The following MACC1 variants were observed in gnomAD, a reference collection of about 807,000 sequenced individuals.
MACC1 encodes the protein MET transcriptional regulator MACC1, also known as metastasis-associated in colon cancer protein 1.
A neutral mutation model predicts 70.7 loss-of-function variants in MACC1; 79 were observed. The ratio of observed to expected loss-of-function variants is 1.12; its 90% CI spans 0.93 to 1.35. MACC1 has a LOEUF of 1.35. Ranked by LOEUF, MACC1 falls within the 40% of genes most tolerant of loss-of-function variation. MACC1 has a pLI of 0.00. For missense variants in MACC1, 1,106 were observed against 978.1 expected (o/e 1.13, Z -1.74); for synonymous variants, 361 against 347.2 (o/e 1.04, Z -0.44).
In MACC1 at chr7:20,155,895, T is replaced by C. The variant is rs1036403148; in HGVS notation, c.2158-1514A>G. ...TTGTTTTAGGGAAAAGATCTGTACT[T>C]GGAGCCATAAAACCTGAGTTTAAAA... On this transcript the variant is annotated intron_variant, in intron 5 of 6. Transcript: ENST00000400331. 5.9e-5 allele frequency among the ~76,000 whole-genome samples: 9 copies of C among 152,300 alleles called. No individual in the cohort carries two copies. The East Asian group carries it at 1.7e-3, about 29-fold the overall frequency.
intron 1 of MACC1, among the ~76,000 whole-genome samples, chr7:20,204,791 C>T (rs1250829983): frequency 6.6e-6 from 1 of 152,078 alleles, no homozygotes; most frequent in African/African-American, 2.4e-5. Flanking sequence ...AGGAATTAAC[C>T]ACCACATCTT....
chr7:20,142,012 C>T (rs1781812367), intron 6 of MACC1: 1 of 151,982 alleles, frequency 6.6e-6, no homozygotes, highest in African/African-American at 2.4e-5. Context: ...CAAAATGAAC[C>T]CTGCACTTGT....
intron 1 of MACC1, among the ~76,000 whole-genome samples, chr7:20,206,572 T>C (rs1291231249): frequency 2.0e-5 from 3 of 152,188 alleles, no homozygotes; most frequent in Non-Finnish European, 2.9e-5. Flanking sequence ...AGCACCCTAA[T>C]CTTATGCTGC....
chr7:20,198,656 TTC>T (rs1183922003), intron 1 of MACC1: 2 of 152,226 alleles, frequency 1.3e-5, no homozygotes, highest in Admixed American at 1.3e-4. Context: ...CGCCTATAAT[TTC>T]TTCTGTCGCT....
chr7:20,147,332 A>G (rs1781907442), intron 6 of MACC1: 1 of 152,244 alleles, frequency 6.6e-6, no homozygotes, highest in African/African-American at 2.4e-5. Flanking sequence ...TATGAATAGC[A>G]TAAAGAATGC....
Position 20,158,620 on chromosome 7 carries a change from G to T in MACC1, c.1741C>A (p.Leu581Ile). 1 of 1,613,978 alleles carries T rather than the reference G, an allele frequency of 6.2e-7. No homozygotes were observed. The change falls in exon 5 of 7, where the codon CTC becomes ATC. Residue 581 changes from leucine (L) to isoleucine (I), a missense_variant. Coordinates refer to ENST00000400331, the MANE Select transcript of MACC1 (RefSeq NM_182762.4). Reference protein sequence around the residue: ...EYFKGDTIALLGEGKVKAIGQ... With the variant: ...EYFKGDTIALIGEGKVKAIGQ... ...ATAGCTTTTACCTTACCTTCCCCGA[G>T]GAGAGCTATTGTGTCCCCTTTGAAA...
In MACC1 at chr7:20,158,243, T is replaced by C. The variant is rs140500868; in HGVS notation, c.2118A>G (p.Thr706=). 210 of 1,598,762 alleles carry C rather than the reference T, an allele frequency of 1.3e-4. No individual in the cohort carries two copies. The African/African-American group carries it at 2.5e-3, about 19-fold the overall frequency. ...VIKKLKEDCH[T]ERNTRKFLYE... ...ACAGAAACTTCCTTGTATTTCTCTC[T>C]GTGTGGCAATCTTCCTTTAACTTCT... The change falls in exon 5 of 7, where the codon ACA becomes ACG. Residue 706 remains threonine (T), a synonymous_variant. Transcript: ENST00000400331.
intron 1 of MACC1, among the ~76,000 whole-genome samples, chr7:20,215,151 T>C (rs920314866): frequency 6.6e-6 from 1 of 152,140 alleles, no homozygotes; most frequent in African/African-American, 2.4e-5. Flanking sequence ...AGAAAGGTTT[T>C]TGAAGGTGTC....
At chr7:20,178,080 CTACACATTTTGTAGTAA>C (rs1782424283) in intron 1 of MACC1, among the ~76,000 whole-genome samples, 2 of 152,034 alleles carry the variant, frequency 1.3e-5, no homozygotes, top group South Asian at 4.1e-4. Flanking sequence ...TTTTTAAACT[CTACACATTTTGTAGTAA>C]GTTTTAAGAT....
intron 1 of MACC1, among the ~76,000 whole-genome samples, chr7:20,198,285 C>T (rs933929724): frequency 1.3e-5 from 2 of 152,176 alleles, no homozygotes; most frequent in Non-Finnish European, 1.5e-5. Flanking sequence ...AAACCAGGCA[C>T]TAAACTGGTG....
chr7:20,185,052 G>C (rs1486086163), intron 1 of MACC1: 1 of 152,070 alleles, frequency 6.6e-6, no homozygotes, highest in Non-Finnish European at 1.5e-5. Flanking sequence ...CGTGAGGGTA[G>C]AACACACGCC....
chr7:20,164,090 C>A (rs1390413334), intron 3 of MACC1, among the ~76,000 whole-genome samples, 166 bp downstream of exon 3: 1 of 152,184 alleles, frequency 6.6e-6, no homozygotes, highest in Non-Finnish European at 1.5e-5. Flanking sequence ...GCGCCCACCA[C>A]CAGTCCTGTC....
rs867665016 is a variant in MACC1, at chr7:20,204,303, C to G, written c.-218+12996G>C. 3.9e-5 allele frequency among the ~76,000 whole-genome samples: 6 copies of G among 152,082 alleles called. No homozygotes were observed. In the South Asian group the frequency reaches 1.2e-3, roughly 32 times the overall value. On this transcript the variant is annotated intron_variant, in intron 1 of 6. Transcript: ENST00000400331. ...CAGAGCAGCTGGGACCACAGGCGCC[C>G]ACCACCACGCCCGGCTAATTTTTTG...
intron 1 of MACC1, among the ~76,000 whole-genome samples, chr7:20,195,085 C>T (rs953947392): frequency 1.3e-5 from 2 of 151,746 alleles, no homozygotes; most frequent in East Asian, 1.9e-4. Context: ...CTAATCTTAA[C>T]GTTTTCTCTT....
chr7:20,150,372 A>C (rs771917121), intron 6 of MACC1: 1 of 152,234 alleles, frequency 6.6e-6, no homozygotes, highest in Non-Finnish European at 1.5e-5. Flanking sequence ...TGTGGAATTC[A>C]TTCACTTATA....
intron 6 of MACC1, among the ~76,000 whole-genome samples, chr7:20,149,449 T>TA (rs1287056428): frequency 6.6e-6 from 1 of 152,208 alleles, no homozygotes; most frequent in Admixed American, 6.5e-5. Context: ...TTTGATCTTC[T>TA]AAACATCCAG....
At chr7:20,144,068 T>C (rs1583378419) in intron 6 of MACC1, among the ~76,000 whole-genome samples, 1 of 152,346 alleles carries the variant, frequency 6.6e-6, no homozygotes, top group East Asian at 1.9e-4. Flanking sequence ...TACAAAATCA[T>C]TGGTAGCTCT....
intron 1 of MACC1, among the ~76,000 whole-genome samples, chr7:20,174,135 A>T (rs1242928400): frequency 6.6e-6 from 1 of 152,160 alleles, no homozygotes; most frequent in Non-Finnish European, 1.5e-5. Flanking sequence ...ACTTAGCATA[A>T]TTCTAGAATA....
chr7:20,182,695 C>T (rs1371061542), intron 1 of MACC1, among the ~76,000 whole-genome samples: 2 of 152,050 alleles, frequency 1.3e-5, no homozygotes, highest in East Asian at 1.9e-4. Flanking sequence ...GTAAGTTTCC[C>T]CCATAAAACA....
Sources: gnomAD v4.1 joint callset for allele counts (sites outside exome capture counted in the v4.1 genomes callset) on GRCh38, gnomAD v4.1.1 for gene constraint, MANE v1.5 for transcripts, NCBI Gene and HGNC (gene_info 2026-07-23, HGNC 2026-07-21) for gene names.